EEIG2: variants seen among roughly 807,000 people sequenced by gnomAD.
EEIG2 encodes EEIG family member 2.
the EEIG2 span, among the ~76,000 whole-genome samples, chr1:108,572,936 G>A: frequency 3.9e-5 from 6 of 152,200 alleles, no homozygotes; most frequent in South Asian, 4.1e-4. Flanking sequence ...TCATGGCCTC[G>A]TAATTCATTT....
chr1:108,624,567 T>C, the EEIG2 span: 1 of 1,286,696 alleles, frequency 7.8e-7, no homozygotes, highest in Non-Finnish European at 1.1e-6. Flanking sequence ...TGCTAAGGCT[T>C]ACTAAGCTCA....
At chr1:108,599,904 G>A in the EEIG2 span, among the ~76,000 whole-genome samples, 1 of 152,172 alleles carries the variant, frequency 6.6e-6, no homozygotes, top group Non-Finnish European at 1.5e-5. Context: ...AGTGAGGCAG[G>A]AGAATTGCTT....
chr1:108,604,865 CAAA>C, the EEIG2 span, among the ~76,000 whole-genome samples: 4 of 88,216 alleles, frequency 4.5e-5, no homozygotes, highest in Non-Finnish European at 4.9e-5. Context: ...CCCACCTCTC[CAAA>C]AAAAAAAAAA....
chr1:108,595,049 C>G, the EEIG2 span, among the ~76,000 whole-genome samples: 2 of 152,110 alleles, frequency 1.3e-5, no homozygotes, highest in African/African-American at 4.8e-5. Flanking sequence ...ATTACTCAGG[C>G]GAAAGCTGCC....
chr1:108,608,861 G>A, the EEIG2 span, among the ~76,000 whole-genome samples: 1 of 152,322 alleles, frequency 6.6e-6, no homozygotes, highest in Non-Finnish European at 1.5e-5. Flanking sequence ...GGTGGATCCA[G>A]TCTGGTGAGG....
chr1:108,585,507 G>C, the EEIG2 span, among the ~76,000 whole-genome samples: 5 of 152,072 alleles, frequency 3.3e-5, no homozygotes, highest in Non-Finnish European at 5.9e-5. Flanking sequence ...ATCAATATCA[G>C]CAGGAGATAC....
chr1:108,575,923 GATTTGTACACTTAAA>G, the EEIG2 span, among the ~76,000 whole-genome samples: 2 of 150,596 alleles, frequency 1.3e-5, no homozygotes, highest in Admixed American at 1.3e-4. Context: ...AAAAGCTATG[GATTTGTACACTTAAA>G]ATGAGATATG....
the EEIG2 span, among the ~76,000 whole-genome samples, chr1:108,621,197 A>G: frequency 6.6e-6 from 1 of 152,200 alleles, no homozygotes; most frequent in Non-Finnish European, 1.5e-5. Flanking sequence ...CTTTTTCTAT[A>G]CTTGACCCAC....
the EEIG2 span, among the ~76,000 whole-genome samples, chr1:108,613,362 A>T: frequency 1.3e-5 from 2 of 152,174 alleles, no homozygotes; most frequent in Non-Finnish European, 2.9e-5. Flanking sequence ...GTATCTCACA[A>T]AAGTAGTCAG....
the EEIG2 span, among the ~76,000 whole-genome samples, chr1:108,563,500 A>C: frequency 1.3e-5 from 2 of 152,188 alleles, no homozygotes; most frequent in South Asian, 2.1e-4. Context: ...CTGATGGATG[A>C]ACCTTTATAA....
At chr1:108,600,797 C>A in the EEIG2 span, 4 of 1,070,120 alleles carry the variant, frequency 3.7e-6, no homozygotes, top group Non-Finnish European at 5.3e-6. Context: ...ACTGTATATG[C>A]AGTTTCACTT....
At chr1:108,576,453 C>A in the EEIG2 span, among the ~76,000 whole-genome samples, 2 of 121,258 alleles carry the variant, frequency 1.6e-5, no homozygotes, top group South Asian at 3.2e-4. Context: ...CCCCTCCCCC[C>A]ACCCCACCAC....
the EEIG2 span, chr1:108,560,408 T>G: frequency 2.6e-6 from 4 of 1,563,686 alleles, no homozygotes; most frequent in African/African-American, 4.4e-5. Context: ...GCGCCCAGCT[T>G]GCAGGCGCCT....
At chr1:108,632,334 G>A in the EEIG2 span, among the ~76,000 whole-genome samples, 146 of 152,100 alleles carry the variant, frequency 9.6e-4, no homozygotes, top group Non-Finnish European at 1.6e-3. Flanking sequence ...CATGAGGTTG[G>A]CAAGCATCTC....
At chr1:108,587,501 T>A in the EEIG2 span, among the ~76,000 whole-genome samples, 484 of 152,280 alleles carry the variant, frequency 3.2e-3, 4 homozygotes, top group African/African-American at 0.011. Flanking sequence ...TATAATGACA[T>A]GTACCCACCA....
chr1:108,602,119 G>C, the EEIG2 span, among the ~76,000 whole-genome samples: 1 of 152,186 alleles, frequency 6.6e-6, no homozygotes, highest in African/African-American at 2.4e-5. Context: ...TGAGGCAGGA[G>C]TCAGTGAAGA....
At chr1:108,572,312 CAG>C in the EEIG2 span, among the ~76,000 whole-genome samples, 26 of 152,230 alleles carry the variant, frequency 1.7e-4, no homozygotes, top group East Asian at 2.1e-3. Flanking sequence ...GGAAAATACG[CAG>C]AGTTTCCATA....
chr1:108,589,521 C>G, the EEIG2 span, among the ~76,000 whole-genome samples: 1 of 152,114 alleles, frequency 6.6e-6, no homozygotes, highest in Non-Finnish European at 1.5e-5. Context: ...CCTGACCTCT[C>G]TGCCACATTT....
At chr1:108,591,825 G>GT in the EEIG2 span, among the ~76,000 whole-genome samples, 1 of 152,162 alleles carries the variant, frequency 6.6e-6, no homozygotes. Flanking sequence ...AGTGCGGGAA[G>GT]TTGAAAGGAG....
Sources: allele counts gnomAD v4.1 joint callset (sites outside exome capture counted in the v4.1 genomes callset), GRCh38; gene constraint gnomAD v4.1.1; transcripts MANE v1.5; gene names NCBI Gene and HGNC (gene_info 2026-07-23, HGNC 2026-07-21).